SMAD2: variants seen among roughly 807,000 people sequenced by gnomAD.
SMAD2 encodes the protein MAD homolog 2.
In SMAD2, 8 loss-of-function variants were observed where a neutral mutation model predicts 64.4. That is an observed-to-expected ratio of 0.12 (90% confidence interval 0.07 to 0.22). The LOEUF is 0.22. Among genes scored for constraint, SMAD2 ranks in the 10% least tolerant of loss-of-function variants. The pLI is 1.00. For missense variants in SMAD2, 289 were observed against 561.2 expected (o/e 0.51, Z 4.90); for synonymous variants, 203 against 195.8 (o/e 1.04, Z -0.31).
At chr18:47,883,199 G>C (rs1414876072) in intron 2 of SMAD2, among the ~76,000 whole-genome samples, 2 of 152,128 alleles carry the variant, frequency 1.3e-5, no homozygotes, top group Non-Finnish European at 2.9e-5. Flanking sequence ...TCCCACATAT[G>C]TGATATGCTG....
chr18:47,867,282 C>T (rs1455191228), intron 5 of SMAD2: 1 of 152,088 alleles, frequency 6.6e-6, no homozygotes, highest in Non-Finnish European at 1.5e-5. Context: ...TCAAAAACCA[C>T]TTCCCATTTG....
chr18:47,929,637 T>C (rs1359562539), intron 1 of SMAD2, among the ~76,000 whole-genome samples: 1 of 152,196 alleles, frequency 6.6e-6, no homozygotes, highest in Non-Finnish European at 1.5e-5. Flanking sequence ...ATTTTGCTTT[T>C]AAAGGGTCAA....
At position 47,830,035 on chromosome 18, in the gene SMAD2, A is replaced by G. The variant is rs972528632; in HGVS notation, c.*11792T>C. The G allele has an allele frequency of 1.3e-5, 2 of 152,344 alleles. No homozygotes were observed. Among genetic ancestry groups the G allele is most frequent in the East Asian group, 3.9e-4 (2 of 5,192 alleles). 9.4% of individuals were successfully genotyped at this position (152,344 alleles called of 1,614,324 possible). On this transcript the variant is annotated 3_prime_UTR_variant, in exon 11 of 11. Transcript: ENST00000262160. The stretch of plus-strand genomic sequence containing the variant: ...ATCCACAGTGGTTTGCAGGCCACTA[A>G]TTCTTTTACAGATGAAAGCATTCAA...
Position 47,930,535 on chromosome 18 carries a change from CCCGGCCGGCGG to C in SMAD2, c.-239_-229del, listed in dbSNP as rs2034966049. On this transcript the variant is annotated 5_prime_UTR_variant, in exon 1 of 11. Coordinates refer to ENST00000262160, the MANE Select transcript of SMAD2 (RefSeq NM_005901.6). The stretch of plus-strand genomic sequence containing the variant: ...TTCCCGCCCCGCCCCCAGGCCCGGG[CCCGGCCGGCGG>C]CCCGGGCGCGCGGGAGGGTAGGGGA... 1 of 150,074 alleles carries C rather than the reference CCCGGCCGGCGG, an allele frequency of 6.7e-6. No homozygotes were observed. The highest frequency in any genetic ancestry group is 2.5e-5 in the African/African-American group (1 of 40,632). The allele number at this position is 150,074 out of a possible 1,614,324, so 9.3% of individuals were successfully genotyped here.
chr18:47,890,867 T>C (rs553528290), intron 2 of SMAD2, among the ~76,000 whole-genome samples: 18 of 152,310 alleles, frequency 1.2e-4, no homozygotes, highest in African/African-American at 4.1e-4. Context: ...CAAAAAGACT[T>C]CTCTTTAGCT....
At chr18:47,861,768 C>T (rs900600548) in intron 6 of SMAD2, among the ~76,000 whole-genome samples, 3 of 152,206 alleles carry the variant, frequency 2.0e-5, no homozygotes, top group African/African-American at 7.2e-5. Context: ...CTTTCCTTCA[C>T]ATCTTTGTGC....
At chr18:47,874,191 A>G (rs2032122346) in intron 2 of SMAD2, among the ~76,000 whole-genome samples, 1 of 152,192 alleles carries the variant, frequency 6.6e-6, no homozygotes, top group African/African-American at 2.4e-5. Flanking sequence ...GCAACTGACA[A>G]GCTGATATAA....
chr18:47,864,943 T>C, intron 6 of SMAD2, 116 bp downstream of exon 6: 1 of 697,280 alleles, frequency 1.4e-6, no homozygotes, highest in Non-Finnish European at 2.6e-6. Context: ...AAGATCATCT[T>C]TTTTGGTATG....
chr18:47,842,028 G>T, intron 10 of SMAD2, 78 bp from the exon 11 acceptor site: 2 of 1,471,636 alleles, frequency 1.4e-6, no homozygotes, highest in Non-Finnish European at 1.9e-6. Context: ...TAGGTACACT[G>T]CATTAAAAAT....
rs1465337819 is a variant in SMAD2, at chr18:47,814,644, T to A, written c.*27183A>T. 1 of 152,204 alleles carries A rather than the reference T, an allele frequency of 6.6e-6. No individual in the cohort carries two copies. Among genetic ancestry groups the A allele is most frequent in the African/African-American group, 2.4e-5 (1 of 41,454 alleles). 9.4% of individuals were successfully genotyped at this position (152,204 alleles called of 1,614,324 possible). On this transcript the variant is annotated 3_prime_UTR_variant, in exon 11 of 11. Coordinates refer to ENST00000262160, the MANE Select transcript of SMAD2 (RefSeq NM_005901.6). The stretch of plus-strand genomic sequence containing the variant: ...GGGTTAGTCAACTACTTTCCTGGCA[T>A]AGCCTGGGGAAGACTGCAAGCCACT...
chr18:47,912,519 A>G (rs1455505283), intron 1 of SMAD2: 2 of 152,452 alleles, frequency 1.3e-5, no homozygotes, highest in East Asian at 3.9e-4. Flanking sequence ...GCAGCATAAA[A>G]TATAGTAGAC....
chr18:47,898,615 C>T (rs2033546217), intron 1 of SMAD2, among the ~76,000 whole-genome samples: 1 of 152,128 alleles, frequency 6.6e-6, no homozygotes, highest in Non-Finnish European at 1.5e-5. Flanking sequence ...CCTGCTCTAA[C>T]CTCTCCATAA....
chr18:47,897,035 T>C (rs1335784399), intron 1 of SMAD2, among the ~76,000 whole-genome samples: 2 of 152,144 alleles, frequency 1.3e-5, no homozygotes, highest in Non-Finnish European at 2.9e-5. Flanking sequence ...TGTGGGAAAA[T>C]ACAGTAATTT....
chr18:47,904,870 C>A (rs550129973), intron 1 of SMAD2, among the ~76,000 whole-genome samples: 1 of 152,296 alleles, frequency 6.6e-6, no homozygotes, highest in South Asian at 2.1e-4. Context: ...AAAGAATGTT[C>A]TTCAATCTGA....
chr18:47,860,165 A>AAC (rs150049412), intron 6 of SMAD2, among the ~76,000 whole-genome samples: 3,436 of 152,284 alleles, frequency 0.023, 126 homozygotes, highest in African/African-American at 0.078. Flanking sequence ...AAATGAAATG[A>AAC]ACACATTTCT....
intron 2 of SMAD2, among the ~76,000 whole-genome samples, chr18:47,896,160 C>T (rs1213166953): frequency 6.6e-6 from 1 of 152,222 alleles, no homozygotes; most frequent in African/African-American, 2.4e-5. Context: ...AGCCTCTTTT[C>T]ACCCCTGATG....
chr18:47,893,043 A>C (rs894682868), intron 2 of SMAD2, among the ~76,000 whole-genome samples: 1 of 152,194 alleles, frequency 6.6e-6, no homozygotes, highest in South Asian at 2.1e-4. Flanking sequence ...CTTTATCTAA[A>C]TATCAATTGC....
chr18:47,841,212 T>C lies in SMAD2; in HGVS notation c.*615A>G, dbSNP rs753975490. ...GACTGTTTAAGCCCCACTGAACACATTAAGGTCAAGGATTTCAAAAGTTAA... is the reference window on the plus strand; with the variant it reads ...GACTGTTTAAGCCCCACTGAACACACTAAGGTCAAGGATTTCAAAAGTTAA... On this transcript the variant is annotated 3_prime_UTR_variant, in exon 11 of 11. Coordinates refer to ENST00000262160, the MANE Select transcript of SMAD2 (RefSeq NM_005901.6). 1.3e-5 allele frequency: 3 copies of C among 232,150 alleles called. No individual in the cohort carries two copies. Among genetic ancestry groups the C allele is most frequent in the Non-Finnish European group, 2.5e-5 (3 of 117,944 alleles). 14.4% of individuals were successfully genotyped at this position (232,150 alleles called of 1,614,324 possible).
At position 47,841,956 on chromosome 18, in the gene SMAD2, T is replaced by C; in HGVS notation, c.1281-6A>G. On this transcript the variant is annotated splice_polypyrimidine_tract_variant and splice_region_variant and intron_variant, in intron 10 of 10. Transcript: ENST00000262160. Reference sequence around the variant, plus strand: ...TACTTGTTACCGTCTGCCTTCTGTTTAAAAGAATACAGGAAAATGATTATG... The same window carrying C: ...TACTTGTTACCGTCTGCCTTCTGTTCAAAAGAATACAGGAAAATGATTATG... 1 of 1,614,048 alleles carries C rather than the reference T, an allele frequency of 6.2e-7. No individual in the cohort carries two copies. Among genetic ancestry groups the C allele is most frequent in the Non-Finnish European group, 8.5e-7 (1 of 1,179,944 alleles).
Sources: allele counts gnomAD v4.1 joint callset (sites outside exome capture counted in the v4.1 genomes callset), GRCh38; gene constraint gnomAD v4.1.1; transcripts MANE v1.5; gene names NCBI Gene and HGNC (gene_info 2026-07-23, HGNC 2026-07-21).